The following NRXN3 variants were observed in gnomAD, a reference collection of about 807,000 sequenced individuals.
NRXN3 encodes neurexin 3.
A neutral mutation model predicts 137.6 loss-of-function variants in NRXN3; 32 were observed. That is an observed-to-expected ratio of 0.23 (90% CI 0.18 to 0.31). The LOEUF is 0.31. Ranked by LOEUF, NRXN3 falls within the 10% of genes least tolerant of loss-of-function variation. NRXN3 has a pLI of 1.00. For missense variants in NRXN3, 1,574 were observed against 2,062.5 expected, an observed-to-expected ratio of 0.76 and a Z score of 4.59; for synonymous variants, 798 against 784.5, an observed-to-expected ratio of 1.02 and a Z score of -0.29.
intron 15 of NRXN3, among the ~76,000 whole-genome samples, chr14:79,256,798 T>A (rs1440519172): frequency 6.6e-6 from 1 of 152,188 alleles, no homozygotes; most frequent in African/African-American, 2.4e-5. Context: ...ATAATTATCT[T>A]CCTTTGGAAA....
intron 4 of NRXN3, among the ~76,000 whole-genome samples, chr14:78,365,928 A>G (rs1239402827): frequency 6.6e-6 from 1 of 152,138 alleles, no homozygotes; most frequent in Admixed American, 6.6e-5. Flanking sequence ...CGTAAAATAT[A>G]ATGTTCGGGA....
intron 4 of NRXN3, among the ~76,000 whole-genome samples, chr14:78,545,260 A>T (rs1390692591): frequency 1.3e-5 from 2 of 152,168 alleles, no homozygotes; most frequent in Non-Finnish European, 1.5e-5. Flanking sequence ...TGAGGGCAAG[A>T]CCTAGGCTCC....
At chr14:78,441,584 T>TA (rs1392920853) in intron 4 of NRXN3, among the ~76,000 whole-genome samples, 43 of 152,284 alleles carry the variant, frequency 2.8e-4, no homozygotes, top group African/African-American at 9.6e-4. Context: ...CATATTATTT[T>TA]TTTTTTTTGG....
chr14:78,549,529 G>A (rs139269161), intron 4 of NRXN3, among the ~76,000 whole-genome samples: 93 of 152,252 alleles, frequency 6.1e-4, no homozygotes, highest in African/African-American at 2.0e-3. Flanking sequence ...TCAAGTTTCT[G>A]GTGTTCCCAT....
Position 79,280,001 on chromosome 14 carries a change from G to A in NRXN3, c.3263-187220G>A, listed in dbSNP as rs1358867753. The A allele has an allele frequency of 6.7e-6, 8 of 1,193,696 alleles. No homozygotes were observed. The Admixed American group carries it at 2.6e-4, about 39-fold the overall frequency. 73.9% of individuals were successfully genotyped at this position (1,193,696 alleles called of 1,614,324 possible). ...GCGCCGGTCTTCCCCTGACATGCGT[G>A]GCATGCCGGGGCTCCGTAGGAGGTT... On this transcript the variant is annotated intron_variant, in intron 15 of 20. Transcript: ENST00000335750.
At chr14:79,709,919 C>T (rs1423611914) in intron 19 of NRXN3, among the ~76,000 whole-genome samples, 1 of 151,962 alleles carries the variant, frequency 6.6e-6, no homozygotes, top group Non-Finnish European at 1.5e-5. Flanking sequence ...TTAGAGGATG[C>T]TTGATCTATT....
At chr14:79,018,184 T>C (rs1370608758) in intron 15 of NRXN3, among the ~76,000 whole-genome samples, 2 of 143,306 alleles carry the variant, frequency 1.4e-5, no homozygotes, top group Non-Finnish European at 3.0e-5. Flanking sequence ...TGCTTGAACC[T>C]GGGAGACGAA....
intron 15 of NRXN3, among the ~76,000 whole-genome samples, chr14:79,043,840 G>A (rs540298337): frequency 6.6e-6 from 1 of 152,270 alleles, no homozygotes; most frequent in East Asian, 1.9e-4. Flanking sequence ...AAGCTACCAT[G>A]TGAAGATCCT....
intron 15 of NRXN3, among the ~76,000 whole-genome samples, chr14:79,143,384 A>G (rs1342041807): frequency 6.6e-6 from 1 of 152,216 alleles, no homozygotes; most frequent in Non-Finnish European, 1.5e-5. Flanking sequence ...GAGAAAAAGA[A>G]AGTCAGTGAA....
At chr14:78,476,634 A>G (rs370110380) in intron 4 of NRXN3, among the ~76,000 whole-genome samples, 1 of 152,238 alleles carries the variant, frequency 6.6e-6, no homozygotes, top group Non-Finnish European at 1.5e-5. Context: ...TTCTTTCATC[A>G]GAGACAGGTG....
chr14:78,254,630 A>G (rs2069208716), intron 2 of NRXN3, among the ~76,000 whole-genome samples: 2 of 151,270 alleles, frequency 1.3e-5, no homozygotes, highest in Admixed American at 6.6e-5. Flanking sequence ...GTGAGCCGAG[A>G]TCACGCCACT....
chr14:79,435,334 C>A (rs1373779827), intron 15 of NRXN3, among the ~76,000 whole-genome samples: 1 of 150,068 alleles, frequency 6.7e-6, no homozygotes, highest in South Asian at 2.1e-4. Context: ...TTCATTGAGG[C>A]CTGGGATGAG....
chr14:78,615,426 C>T (rs1601402612), intron 4 of NRXN3, among the ~76,000 whole-genome samples: 1 of 148,000 alleles, frequency 6.8e-6, no homozygotes, highest in Admixed American at 6.7e-5. Context: ...CGGTGAAACC[C>T]CATCTCTACT....
chr14:79,859,973 T>G (rs1177679441), intron 20 of NRXN3, among the ~76,000 whole-genome samples: 1 of 152,154 alleles, frequency 6.6e-6, no homozygotes, highest in Non-Finnish European at 1.5e-5. Flanking sequence ...ATAAAGACAC[T>G]GAAGAGAGAT....
chr14:79,848,149 TA>T (rs2099384242), intron 20 of NRXN3, among the ~76,000 whole-genome samples: 1 of 152,230 alleles, frequency 6.6e-6, no homozygotes, highest in Non-Finnish European at 1.5e-5. Flanking sequence ...TAGGGAATTC[TA>T]AAAACTATTT....
At chr14:78,241,928 A>G (rs2067132885) in intron 1 of NRXN3, among the ~76,000 whole-genome samples, 1 of 152,148 alleles carries the variant, frequency 6.6e-6, no homozygotes, top group Non-Finnish European at 1.5e-5. Context: ...TCACAAATTT[A>G]GGGGTAGCAA....
In NRXN3 at chr14:79,722,370, C is replaced by G. The variant is rs138216062; in HGVS notation, c.4014+24433C>G. Among the ~76,000 whole-genome samples the G allele has an allele frequency of 9.9e-4, 150 of 152,160 alleles. 1 individual carries two copies. The highest frequency in any genetic ancestry group is 3.4e-3 in the African/African-American group (142 of 41,538). ...GATCCCATTGCCTGCAGGATAAAAT[C>G]GAATATCCTTAGGATGACAAACTTC... On this transcript the variant is annotated intron_variant, in intron 19 of 20. Transcript: ENST00000335750.
At chr14:79,424,113 G>A (rs10146690) in intron 15 of NRXN3, among the ~76,000 whole-genome samples, 30,840 of 152,068 alleles carry the variant, frequency 0.2, 3,228 homozygotes, top group African/African-American at 0.22. Context: ...TGAAATGCAT[G>A]TCTACTTTCT....
At chr14:79,617,923 A>AAAAAACAAAAAAAACAAAAAAAAC (rs1268614101) in intron 16 of NRXN3, among the ~76,000 whole-genome samples, 2,154 of 149,840 alleles carry the variant, frequency 0.014, 264 homozygotes, top group African/African-American at 0.051. Context: ...GCAGCAAAAA[A>AAAAAACAAAAAAAACAAAAAAAAC]AAAAAAAAAC....
Sources: allele counts gnomAD v4.1 joint callset (sites outside exome capture counted in the v4.1 genomes callset), GRCh38; gene constraint gnomAD v4.1.1; transcripts MANE v1.5; gene names NCBI Gene and HGNC (gene_info 2026-07-23, HGNC 2026-07-21).